The following SLC35D2 variants were observed in gnomAD, a reference collection of about 807,000 sequenced individuals.
SLC35D2 encodes the protein nucleotide sugar transporter SLC35D2.
Under a neutral mutation model 41.8 loss-of-function variants are expected in SLC35D2, and 43 were observed. That is an observed-to-expected ratio of 1.03 (90% CI 0.81 to 1.33). SLC35D2 has a LOEUF of 1.33. SLC35D2 is among the 40% of genes most tolerant of loss of function. The probability of loss-of-function intolerance (pLI) is 0.00; values close to 1 mark genes in which losing one functional copy is unlikely to be tolerated. For missense variants in SLC35D2, 380 were observed against 408.4 expected, an observed-to-expected ratio of 0.93 and a Z score of 0.60; for synonymous variants, 150 against 163.9, an observed-to-expected ratio of 0.92 and a Z score of 0.65.
chr9:96,358,232 C>T (rs978817401), intron 4 of SLC35D2, among the ~76,000 whole-genome samples: 25 of 151,342 alleles, frequency 1.7e-4, no homozygotes, highest in African/African-American at 5.8e-4. Flanking sequence ...AAATATTGTA[C>T]AATTCTACTT....
chr9:96,326,995 T>A (rs373126374), intron 9 of SLC35D2, among the ~76,000 whole-genome samples: 14 of 152,224 alleles, frequency 9.2e-5, no homozygotes, highest in African/African-American at 3.4e-4. Flanking sequence ...GACCATCCCA[T>A]CCACAGCACC....
chr9:96,339,461 G>T (rs548510244), intron 8 of SLC35D2, among the ~76,000 whole-genome samples: 40 of 151,578 alleles, frequency 2.6e-4, no homozygotes, highest in African/African-American at 9.5e-4. Flanking sequence ...ATGATGAGAC[G>T]GTATTAGTGG....
At chr9:96,331,064 A>G (rs1213230146) in intron 9 of SLC35D2, among the ~76,000 whole-genome samples, 2 of 152,100 alleles carry the variant, frequency 1.3e-5, no homozygotes, top group East Asian at 3.9e-4. Flanking sequence ...CGCCCCGCTG[A>G]TTTTTGTATA....
intron 1 of SLC35D2, among the ~76,000 whole-genome samples, chr9:96,376,440 A>T (rs1830963345): frequency 6.6e-6 from 1 of 151,488 alleles, no homozygotes; most frequent in Non-Finnish European, 1.5e-5. Flanking sequence ...CCCCGTCTCT[A>T]CTAAAAAAAT....
chr9:96,368,640 C>T (rs1297785146), intron 1 of SLC35D2, among the ~76,000 whole-genome samples: 1 of 150,574 alleles, frequency 6.6e-6, no homozygotes, highest in Non-Finnish European at 1.5e-5. Context: ...TAGCTGGGAC[C>T]ACAGGGGCAT....
At chr9:96,345,719 G>T (rs1829545118) in intron 6 of SLC35D2, among the ~76,000 whole-genome samples, 1 of 152,178 alleles carries the variant, frequency 6.6e-6, no homozygotes, top group Non-Finnish European at 1.5e-5. Flanking sequence ...TAAGGGGAGT[G>T]ATTCGCCCCG....
In SLC35D2 at chr9:96,339,143, C is replaced by A. The variant is rs1325905647; in HGVS notation, c.685-2359G>T. ...TGTTTTTTTTTGAGATGGAGTCTCG[C>A]CCTGTCGCCCAGGCTGGAGTGCGGT... is the stretch of plus-strand genomic sequence containing the variant. On this transcript the variant is annotated intron_variant, in intron 8 of 11. Transcript: ENST00000253270. Among the ~76,000 whole-genome samples, 2 of 152,036 alleles carry A rather than the reference C, an allele frequency of 1.3e-5. 1 individual carries two copies. The highest frequency in any genetic ancestry group is 3.9e-4 in the East Asian group (2 of 5,192).
chr9:96,325,575 C>A (rs1019576304), intron 9 of SLC35D2, among the ~76,000 whole-genome samples: 20 of 152,090 alleles, frequency 1.3e-4, no homozygotes, highest in African/African-American at 4.6e-4. Flanking sequence ...CCCAGCTACT[C>A]GGGAGGATGA....
At position 96,342,950 on chromosome 9, in the gene SLC35D2, C is replaced by T. The variant is rs1829401043; in HGVS notation, c.684+954G>A. On this transcript the variant is annotated intron_variant, in intron 8 of 11. Coordinates refer to ENST00000253270, the MANE Select transcript of SLC35D2 (RefSeq NM_007001.3). ...TGTCCTGTCCATGGGTAAATGGGTG[C>T]TGCCCCAGCCCCAGGCCAGCAATGA... Among the ~76,000 whole-genome samples, 3 of 152,354 alleles carry T rather than the reference C, an allele frequency of 2.0e-5. No homozygotes were observed. The South Asian group carries it at 6.2e-4, about 32-fold the overall frequency.
At position 96,361,537 on chromosome 9, in the gene SLC35D2, T is replaced by G. The variant is rs1456017164; in HGVS notation, c.280-1316A>C. On this transcript the variant is annotated intron_variant, in intron 3 of 11. Transcript: ENST00000253270. The stretch of plus-strand genomic sequence containing the variant: ...CCGTCTCTACAAAAATTTTTTAAAT[T>G]AGCAAGGCATGGTAGCAAATGCTTG... 2.0e-5 allele frequency among the ~76,000 whole-genome samples: 3 copies of G among 152,076 alleles called. No homozygotes were observed. In the East Asian group the frequency reaches 5.8e-4, roughly 29 times the overall value.
intron 4 of SLC35D2, among the ~76,000 whole-genome samples, chr9:96,352,414 C>A (rs993144116): frequency 1.3e-5 from 2 of 151,926 alleles, no homozygotes; most frequent in African/African-American, 4.8e-5. Flanking sequence ...CTCTGCCTCC[C>A]GGGTTCAAGC....
At chr9:96,343,084 C>T (rs1186188592) in intron 8 of SLC35D2, among the ~76,000 whole-genome samples, 1 of 152,184 alleles carries the variant, frequency 6.6e-6, no homozygotes, top group African/African-American at 2.4e-5. Flanking sequence ...CAGTCACTTA[C>T]ACATCAGCAA....
chr9:96,344,744 A>C, intron 7 of SLC35D2, among the ~76,000 whole-genome samples: 1 of 126,982 alleles, frequency 7.9e-6, no homozygotes, highest in Non-Finnish European at 1.7e-5. Context: ...AGGGGGAGGG[A>C]TGGGGCCTCC....
intron 1 of SLC35D2, among the ~76,000 whole-genome samples, chr9:96,378,722 G>C (rs543238746): frequency 1.3e-5 from 2 of 151,736 alleles, no homozygotes; most frequent in Non-Finnish European, 2.9e-5. Context: ...CTGGGCAATA[G>C]AGCAAAACCT....
At chr9:96,314,135 C>T (rs1239086194) in exon 12 of SLC35D2, 1 of 152,296 alleles carries the variant, frequency 6.6e-6, no homozygotes, top group Non-Finnish European at 1.5e-5. Flanking sequence ...CCTGTGGTCT[C>T]AGCTACTTAG....
chr9:96,331,731 C>T (rs1828819240), intron 9 of SLC35D2, among the ~76,000 whole-genome samples: 1 of 152,180 alleles, frequency 6.6e-6, no homozygotes, highest in Non-Finnish European at 1.5e-5. Flanking sequence ...CAGACCGGTA[C>T]CAGTGCACAG....
chr9:96,322,725 T>TTTTTTG (rs1828307432), intron 10 of SLC35D2, among the ~76,000 whole-genome samples: 1 of 143,514 alleles, frequency 7.0e-6, no homozygotes, highest in Non-Finnish European at 1.5e-5. Context: ...GGGTTTTTTT[T>TTTTTTG]TTTTTTTTTT....
chr9:96,356,748 ACCTGTGGT>A (rs1830044525), intron 4 of SLC35D2, among the ~76,000 whole-genome samples: 2 of 147,778 alleles, frequency 1.4e-5, no homozygotes, highest in Non-Finnish European at 3.1e-5. Flanking sequence ...GCTGGTGCTC[ACCTGTGGT>A]CCCAGCTACT....
At chr9:96,383,407 G>A in intron 1 of SLC35D2, 70 bp downstream of exon 1, 5 of 1,333,010 alleles carry the variant, frequency 3.8e-6, no homozygotes, top group East Asian at 6.7e-5. Flanking sequence ...CCCGGGCGCC[G>A]CTGAAGCGCA....
Sources: allele counts gnomAD v4.1 joint callset (sites outside exome capture counted in the v4.1 genomes callset), GRCh38; gene constraint gnomAD v4.1.1; transcripts MANE v1.5; gene names NCBI Gene and HGNC (gene_info 2026-07-23, HGNC 2026-07-21).